The following DTX1 variants were observed in gnomAD, a reference collection of about 807,000 sequenced individuals.
The protein encoded by DTX1 is deltex E3 ubiquitin ligase 1, also known as E3 ubiquitin-protein ligase DTX1.
Under a neutral mutation model 57.8 loss-of-function variants are expected in DTX1, and 26 were observed. That is an observed-to-expected ratio of 0.45 (90% CI 0.33 to 0.62). DTX1 has a LOEUF of 0.62. Among genes scored for constraint, DTX1 ranks in the 20% least tolerant of loss-of-function variants. The pLI, the probability that DTX1 is intolerant of heterozygous loss-of-function variation, is 0.02. For synonymous variants in DTX1, 398 were observed against 394.1 expected (o/e 1.01, Z -0.12); for missense variants, 704 against 895.3 (o/e 0.79, Z 2.73).
intron 3 of DTX1, among the ~76,000 whole-genome samples, chr12:113,088,194 G>A (rs190711940): frequency 6.6e-6 from 1 of 152,284 alleles, no homozygotes; most frequent in Admixed American, 6.5e-5. Flanking sequence ...TCCCTTCTCT[G>A]GGCTTCAGTC....
At chr12:113,094,193 C>T in intron 6 of DTX1, 94 bp downstream of exon 6, 1 of 1,157,878 alleles carries the variant, frequency 8.6e-7, no homozygotes, top group East Asian at 2.6e-5. Flanking sequence ...ATACAGAGCT[C>T]TTCTAGTTTG....
chr12:113,058,100 C>A lies in DTX1; in HGVS notation c.-93C>A. ...GAGGCCAGACGGTCCTTGCTGTCCCCCTGGGGAGAGAGGAAGTTGCCGCCT... is the reference window on the plus strand; with the variant it reads ...GAGGCCAGACGGTCCTTGCTGTCCCACTGGGGAGAGAGGAAGTTGCCGCCT... On this transcript the variant is annotated 5_prime_UTR_variant, in exon 2 of 10. Coordinates refer to ENST00000548759, the MANE Select transcript of DTX1 (RefSeq NM_004416.3). 1 of 1,460,564 alleles carries A rather than the reference C, an allele frequency of 6.8e-7. No homozygotes were observed. Among genetic ancestry groups the A allele is most frequent in the East Asian group, 2.5e-5 (1 of 40,506 alleles). The allele number at this position is 1,460,564 out of a possible 1,614,324, so 90.5% of individuals were successfully genotyped here. A position where few individuals can be genotyped will look rare whatever the true frequency, so the allele number is the denominator to read the frequency against.
At position 113,094,984 on chromosome 12, in the gene DTX1, G is replaced by A. The variant is rs147684421; in HGVS notation, c.1386+37G>A. 4.4e-5 allele frequency: 70 copies of A among 1,606,264 alleles called. 1 individual carries two copies. The highest frequency in any genetic ancestry group is 1.2e-4 in the Admixed American group (7 of 59,878). Reference sequence around the variant, plus strand: ...GGGACAATGGCTGAGGAGTGGGCAGGGAACGGAGTGGGGTTTGGGGGGGTG... The same window carrying A: ...GGGACAATGGCTGAGGAGTGGGCAGAGAACGGAGTGGGGTTTGGGGGGGTG... On this transcript the variant is annotated intron_variant, in intron 7 of 9. Coordinates refer to ENST00000548759, the MANE Select transcript of DTX1 (RefSeq NM_004416.3).
At chr12:113,073,346 C>T (rs1436621193) in intron 2 of DTX1, among the ~76,000 whole-genome samples, 1 of 152,150 alleles carries the variant, frequency 6.6e-6, no homozygotes, top group African/African-American at 2.4e-5. Context: ...TCCTCCCGGG[C>T]CTACTGTGGA....
rs200357238 is a variant in DTX1, at chr12:113,096,707, C to G, written c.1639-8C>G. On this transcript the variant is annotated splice_polypyrimidine_tract_variant and splice_region_variant and intron_variant, in intron 9 of 9. Coordinates refer to ENST00000548759, the MANE Select transcript of DTX1 (RefSeq NM_004416.3). ...CCTCCCGGCCCCACTGTGTCCCTGT[C>G]CCCCCAGGTGCTGCGGCTGCTCATC... 3.3e-4 allele frequency: 531 copies of G among 1,606,966 alleles called. 3 individuals carry two copies. The African/African-American group carries it at 6.5e-3, about 20-fold the overall frequency.
rs1387876384 is a variant in DTX1 at position 113,096,974 on chromosome 12, C to T, written c.*35C>T. 6.3e-7 allele frequency: 1 copy of T among 1,576,506 alleles called. No homozygotes were observed. The highest frequency in any genetic ancestry group is 8.6e-7 in the Non-Finnish European group (1 of 1,163,140). Reference sequence around the variant, plus strand: ...CTGCCCACCTTCCCTCCTGCTTTGCCCCTGGTCCGGCAAATGCCTCCTTCG... The same window carrying T: ...CTGCCCACCTTCCCTCCTGCTTTGCTCCTGGTCCGGCAAATGCCTCCTTCG... On this transcript the variant is annotated 3_prime_UTR_variant, in exon 10 of 10. Transcript: ENST00000548759.
At chr12:113,080,186 A>G (rs1464890741) in intron 3 of DTX1, among the ~76,000 whole-genome samples, 3 of 152,200 alleles carry the variant, frequency 2.0e-5, no homozygotes, top group Non-Finnish European at 2.9e-5. Flanking sequence ...ACCTCAGCCT[A>G]GGGCAGGCCC....
In DTX1 at chr12:113,094,109, G is replaced by A. The variant is rs762192180; in HGVS notation, c.1227+10G>A. 9.8e-6 allele frequency: 15 copies of A among 1,532,528 alleles called. No individual in the cohort carries two copies. The highest frequency in any genetic ancestry group is 2.0e-5 in the Admixed American group (1 of 50,942). 94.9% of individuals were successfully genotyped at this position (1,532,528 alleles called of 1,614,324 possible). On this transcript the variant is annotated intron_variant, in intron 6 of 9. Coordinates refer to ENST00000548759, the MANE Select transcript of DTX1 (RefSeq NM_004416.3). ...AAACCCACCTGATGAGGTGAGGAGG[G>A]GATGGGGGGGCTGGGGGAGGGCCCT...
Position 113,093,066 on chromosome 12 carries a change from T to C in DTX1, c.942-96T>C, listed in dbSNP as rs1202655074. On this transcript the variant is annotated intron_variant, in intron 3 of 9. Transcript: ENST00000548759. The surrounding 1 kb of genome is among the most constrained non-coding windows in gnomAD (Gnocchi z 4.2). ...AGAGAGGTACAAAGAGGCCAGGGTG[T>C]GTGGCCCAGGAGCCAGAGACAGAAG... 13 of 1,260,974 alleles carry C rather than the reference T, an allele frequency of 1.0e-5. No homozygotes were observed. Among genetic ancestry groups the C allele is most frequent in the Non-Finnish European group, 1.5e-5 (13 of 889,468 alleles). The allele number at this position is 1,260,974 out of a possible 1,614,324, so 78.1% of individuals were successfully genotyped here. A position where few individuals can be genotyped will look rare whatever the true frequency, so the allele number is the denominator to read the frequency against.
At chr12:113,084,357 G>T (rs1392747148) in intron 3 of DTX1, among the ~76,000 whole-genome samples, 1 of 152,144 alleles carries the variant, frequency 6.6e-6, no homozygotes, top group Non-Finnish European at 1.5e-5. Flanking sequence ...TTTATCGAGC[G>T]CTCCCTATGT....
intron 3 of DTX1, among the ~76,000 whole-genome samples, chr12:113,087,467 G>A (rs1264435257): frequency 2.6e-5 from 4 of 152,084 alleles, no homozygotes; most frequent in Non-Finnish European, 4.4e-5. Context: ...CAGGGACTTG[G>A]CCCCAGGCTG....
intron 2 of DTX1, among the ~76,000 whole-genome samples, chr12:113,075,981 C>T (rs888829871): frequency 1.3e-5 from 2 of 150,392 alleles, no homozygotes; most frequent in African/African-American, 4.9e-5. Flanking sequence ...CAGACAGAAA[C>T]CAAGATAAAT....
chr12:113,085,571 AT>A (rs1231458302), intron 3 of DTX1, among the ~76,000 whole-genome samples: 3 of 152,126 alleles, frequency 2.0e-5, no homozygotes, highest in African/African-American at 7.2e-5. Flanking sequence ...GGAGCTGTTT[AT>A]TGCTTCCTTA....
chr12:113,077,498 G>GTTTTTTTTTGCAAGC lies in DTX1; in HGVS notation c.334_335insTTTTTTTTTGCAAGC (p.Glu112delinsValPhePheCysLysGln). On this transcript the variant is annotated protein_altering_variant, in exon 3 of 10. Coordinates refer to ENST00000548759, the MANE Select transcript of DTX1 (RefSeq NM_004416.3). This position sits in a 1 kb window ranked among gnomAD's most constrained non-coding sequence, Gnocchi z 7.8. Reference sequence around the variant, plus strand: ...GGGCAAGGGCATCGTGTGGGAGTGGGAGAACGACGGCGGCGCATGGACGGC... The same window carrying GTTTTTTTTTGCAAGC: ...GGGCAAGGGCATCGTGTGGGAGTGGGTTTTTTTTTGCAAGCAGAACGACGGCGGCGCATGGACGGC... 1 of 1,612,666 alleles carries GTTTTTTTTTGCAAGC rather than the reference G, an allele frequency of 6.2e-7. No homozygotes were observed.
In DTX1 at chr12:113,093,911, G is replaced by C; in HGVS notation, c.1166-127G>C. 4 of 1,458,136 alleles carry C rather than the reference G, an allele frequency of 2.7e-6. No individual in the cohort carries two copies. In the South Asian group the frequency reaches 4.9e-5, roughly 18 times the overall value. The allele number at this position is 1,458,136 out of a possible 1,614,324, so 90.3% of individuals were successfully genotyped here. A position where few individuals can be genotyped will look rare whatever the true frequency, so the allele number is the denominator to read the frequency against. ...TGACCTCTGACCCTGGCCAACCCTT[G>C]CCAGCCTGACCCCGGCCAACCCTTG... On this transcript the variant is annotated intron_variant, in intron 5 of 9. Transcript: ENST00000548759. This position sits in a 1 kb window ranked among gnomAD's most constrained non-coding sequence, Gnocchi z 4.2.
intron 6 of DTX1, among the ~76,000 whole-genome samples, chr12:113,094,375 G>T (rs1265371517): frequency 6.6e-6 from 1 of 152,134 alleles, no homozygotes; most frequent in Non-Finnish European, 1.5e-5. Flanking sequence ...CACCTGGGGG[G>T]TGGTGAGGGG....
intron 2 of DTX1, among the ~76,000 whole-genome samples, chr12:113,064,730 A>G (rs1270871038): frequency 2.0e-5 from 3 of 152,244 alleles, no homozygotes; most frequent in Non-Finnish European, 4.4e-5. Flanking sequence ...AATGAGATAC[A>G]TAAATGAGAT....
intron 6 of DTX1, 83 bp from the exon 7 acceptor site, chr12:113,094,706 A>C: frequency 6.6e-7 from 1 of 1,520,874 alleles, no homozygotes; most frequent in South Asian, 1.3e-5. Context: ...TCTGCTGCCT[A>C]TGGTGACCCA....
intron 2 of DTX1, among the ~76,000 whole-genome samples, chr12:113,065,410 C>G (rs2044697283): frequency 6.6e-6 from 1 of 152,290 alleles, no homozygotes; most frequent in South Asian, 2.1e-4. Flanking sequence ...CCACCGAGTA[C>G]CTTGGACAGC....
Sources: gnomAD v4.1 joint callset for allele counts (sites outside exome capture counted in the v4.1 genomes callset) on GRCh38, gnomAD v4.1.1 for gene constraint, Gnocchi (gnomAD v3.1) non-coding constraint, MANE v1.5 for transcripts, NCBI Gene and HGNC (gene_info 2026-07-23, HGNC 2026-07-21) for gene names.